The following SESN1 variants were observed in gnomAD, a reference collection of about 807,000 sequenced individuals.
SESN1 encodes the protein sestrin-1.
In SESN1, 30 loss-of-function variants were observed where a neutral mutation model predicts 59.3. The ratio of observed to expected loss-of-function variants is 0.51; its 90% confidence interval spans 0.38 to 0.69. The LOEUF is 0.69. Ranked by LOEUF, SESN1 falls within the 30% of genes least tolerant of loss-of-function variation. The probability of loss-of-function intolerance (pLI) is 0.00; values close to 1 mark genes in which losing one functional copy is unlikely to be tolerated. For missense variants in SESN1, 566 were observed against 673.0 expected, an observed-to-expected ratio of 0.84 and a Z score of 1.76; for synonymous variants, 197 against 219.9, an observed-to-expected ratio of 0.90 and a Z score of 0.92.
chr6:108,996,249 T>G (rs1024558068), intron 5 of SESN1, among the ~76,000 whole-genome samples: 2 of 152,252 alleles, frequency 1.3e-5, no homozygotes, highest in African/African-American at 2.4e-5. Flanking sequence ...CATTTTCTTT[T>G]GATCCAAACA....
At chr6:109,008,863 CCT>C in intron 1 of SESN1, 1 of 985,804 alleles carries the variant, frequency 1.0e-6, no homozygotes. Flanking sequence ...TCATCTCTTC[CCT>C]GAGTCAAATG....
intron 1 of SESN1, among the ~76,000 whole-genome samples, chr6:109,077,226 C>T (rs984751860): frequency 6.6e-6 from 1 of 152,116 alleles, no homozygotes; most frequent in Non-Finnish European, 1.5e-5. Context: ...TACTTTTTCC[C>T]CATTGATTTT....
In SESN1 at chr6:108,986,370, G is replaced by GA. The variant is rs1562449827; in HGVS notation, c.*1173_*1174insT. The GA allele has an allele frequency of 1.1e-4, 17 of 152,640 alleles. No homozygotes were observed. Among genetic ancestry groups the GA allele is most frequent in the African/African-American group, 3.4e-4 (14 of 41,506 alleles). The allele number at this position is 152,640 out of a possible 1,614,324, so 9.5% of individuals were successfully genotyped here. A position where few individuals can be genotyped will look rare whatever the true frequency, so the allele number is the denominator to read the frequency against. Reference sequence around the variant, plus strand: ...GTGTGAATGTACTTGGCTTATGAAAGTAGATAGAAACTCAAAATTATTACT... The same window carrying GA: ...GTGTGAATGTACTTGGCTTATGAAAGATAGATAGAAACTCAAAATTATTACT... On this transcript the variant is annotated 3_prime_UTR_variant, in exon 10 of 10. Coordinates refer to ENST00000436639, the MANE Select transcript of SESN1 (RefSeq NM_014454.3).
At chr6:109,058,983 T>G (rs968630819) in intron 1 of SESN1, among the ~76,000 whole-genome samples, 2 of 152,130 alleles carry the variant, frequency 1.3e-5, no homozygotes, top group East Asian at 3.8e-4. Flanking sequence ...AGAATAAACC[T>G]TCTGCTGTAA....
intron 1 of SESN1, among the ~76,000 whole-genome samples, chr6:109,009,931 C>G (rs893253044): frequency 6.6e-6 from 1 of 152,036 alleles, no homozygotes; most frequent in Non-Finnish European, 1.5e-5. Flanking sequence ...CTGACAGCAC[C>G]AGGAGTAATG....
At chr6:109,010,705 A>G (rs1779844498) in intron 1 of SESN1, among the ~76,000 whole-genome samples, 2 of 152,234 alleles carry the variant, frequency 1.3e-5, no homozygotes, top group Admixed American at 6.5e-5. Context: ...AAAATAGCTA[A>G]TGCACCCAAA....
intron 1 of SESN1, among the ~76,000 whole-genome samples, chr6:109,077,369 T>G (rs1334686263): frequency 6.6e-6 from 1 of 152,200 alleles, no homozygotes; most frequent in East Asian, 1.9e-4. Flanking sequence ...ACTCCAGTAT[T>G]CACTATTTAA....
chr6:109,092,132 G>A (rs1781325090), intron 1 of SESN1, among the ~76,000 whole-genome samples: 1 of 152,224 alleles, frequency 6.6e-6, no homozygotes, highest in Non-Finnish European at 1.5e-5. Context: ...GGATGAAAGA[G>A]TCTTGAAATA....
In SESN1 at chr6:109,079,061, C is replaced by T. The variant is rs191290313; in HGVS notation, c.279+14734G>A. On this transcript the variant is annotated intron_variant, in intron 1 of 9. Transcript: ENST00000436639. ...AGACTGGAATTGGATATTTCTTTAT[C>T]GGAATAATTACCACTAAGAGAATAA... is the stretch of plus-strand genomic sequence containing the variant. Among the ~76,000 whole-genome samples, 151 of 151,794 alleles carry T rather than the reference C, an allele frequency of 9.9e-4. 1 individual carries two copies. Among genetic ancestry groups the T allele is most frequent in the African/African-American group, 3.5e-3 (146 of 41,398 alleles).
In SESN1 at chr6:109,061,566, G is replaced by A. The variant is rs545255190; in HGVS notation, c.279+32229C>T. 1.1e-3 allele frequency among the ~76,000 whole-genome samples: 164 copies of A among 152,284 alleles called. 1 individual carries two copies. Among genetic ancestry groups the A allele is most frequent in the Non-Finnish European group, 2.1e-3 (143 of 68,010 alleles). ...TACCTGTTATCCCAGCACTCTGGGA[G>A]ATGGAAGTGGGTGGACTGCTTGAGG... On this transcript the variant is annotated intron_variant, in intron 1 of 9. Transcript: ENST00000436639.
intron 1 of SESN1, among the ~76,000 whole-genome samples, chr6:109,013,998 G>T (rs1779897534): frequency 1.4e-5 from 2 of 147,854 alleles, no homozygotes; most frequent in Non-Finnish European, 3.0e-5. Flanking sequence ...CCTCTTATTT[G>T]CTCTATACTT....
intron 1 of SESN1, among the ~76,000 whole-genome samples, chr6:109,022,127 T>A (rs1780021823): frequency 1.3e-5 from 2 of 152,096 alleles, no homozygotes; most frequent in Admixed American, 1.3e-4. Context: ...CTTCTTTTAA[T>A]TTCCTATAGA....
At chr6:109,016,526 A>C (rs1384382037) in intron 1 of SESN1, among the ~76,000 whole-genome samples, 1 of 152,160 alleles carries the variant, frequency 6.6e-6, no homozygotes, top group Non-Finnish European at 1.5e-5. Context: ...ACAAGGCCAA[A>C]TCTGGAGACT....
At chr6:109,022,587 ATTTATTT>A (rs1172435734) in intron 1 of SESN1, among the ~76,000 whole-genome samples, 1 of 151,026 alleles carries the variant, frequency 6.6e-6, no homozygotes, top group Non-Finnish European at 1.5e-5. Context: ...TTTTTGTATT[ATTTATTT>A]TTTAAGTAGA....
At chr6:109,057,730 A>G (rs1042733967) in intron 1 of SESN1, among the ~76,000 whole-genome samples, 7 of 152,218 alleles carry the variant, frequency 4.6e-5, no homozygotes, top group Non-Finnish European at 5.9e-5. Context: ...AGCAATTACA[A>G]TACTTTCAGT....
At chr6:108,994,936 C>T (rs1359741268) in intron 5 of SESN1, among the ~76,000 whole-genome samples, 1 of 152,052 alleles carries the variant, frequency 6.6e-6, no homozygotes, top group African/African-American at 2.4e-5. Context: ...GATCTCCTGA[C>T]CTTGTGATCT....
At chr6:109,031,510 T>G (rs1275250386) in intron 1 of SESN1, among the ~76,000 whole-genome samples, 1 of 152,290 alleles carries the variant, frequency 6.6e-6, no homozygotes, top group East Asian at 1.9e-4. Flanking sequence ...CCTCTAATCA[T>G]GGCCCACCCC....
At chr6:109,054,355 T>C (rs1278853148) in intron 1 of SESN1, among the ~76,000 whole-genome samples, 2 of 152,168 alleles carry the variant, frequency 1.3e-5, no homozygotes, top group Non-Finnish European at 2.9e-5. Context: ...AAGAGAATGA[T>C]ACAGTCTAAA....
chr6:109,031,562 C>A (rs964093880), intron 1 of SESN1, among the ~76,000 whole-genome samples: 3 of 152,152 alleles, frequency 2.0e-5, no homozygotes, highest in Non-Finnish European at 2.9e-5. Context: ...GTTGGAGAAC[C>A]CTTCCCTGAC....
Sources: gnomAD v4.1 joint callset for allele counts (sites outside exome capture counted in the v4.1 genomes callset) on GRCh38, gnomAD v4.1.1 for gene constraint, MANE v1.5 for transcripts, NCBI Gene and HGNC (gene_info 2026-07-23, HGNC 2026-07-21) for gene names.